The following KRI1 variants were observed in gnomAD, a reference collection of about 807,000 sequenced individuals.
KRI1 encodes protein KRI1 homolog.
A neutral mutation model predicts 97.0 loss-of-function variants in KRI1; 83 were observed. The ratio of observed to expected loss-of-function variants is 0.86; its 90% CI spans 0.72 to 1.03. The LOEUF (loss-of-function observed/expected upper bound fraction) is 1.03. KRI1 is among the 50% of genes least tolerant of loss of function. The probability of loss-of-function intolerance (pLI) is 0.00; values close to 1 mark genes in which losing one functional copy is unlikely to be tolerated. For synonymous variants in KRI1, 371 were observed against 363.5 expected, an observed-to-expected ratio of 1.02 and a Z score of -0.23; for missense variants, 916 against 928.4, an observed-to-expected ratio of 0.99 and a Z score of 0.17.
chr19:10,558,100 A>C, intron 13 of KRI1, 40 bp from the exon 14 acceptor site: 1 of 1,613,402 alleles, frequency 6.2e-7, no homozygotes, highest in Non-Finnish European at 8.5e-7. Context: ...CCAGGGTGGG[A>C]CCTTGGGCTT....
intron 4 of KRI1, 76 bp from the exon 5 acceptor site, chr19:10,561,921 T>G: frequency 1.4e-6 from 2 of 1,386,120 alleles, no homozygotes; most frequent in East Asian, 2.3e-5. Context: ...GGAGCAGCTA[T>G]TCCAAGCAAC....
At position 10,565,801 on chromosome 19, in the gene KRI1, C is replaced by T. The variant is rs369178299; in HGVS notation, c.95-11G>A. 3.3e-6 allele frequency: 5 copies of T among 1,535,328 alleles called. No individual in the cohort carries two copies. Among genetic ancestry groups the T allele is most frequent in the Non-Finnish European group, 4.4e-6 (5 of 1,142,436 alleles). On this transcript the variant is annotated splice_polypyrimidine_tract_variant and intron_variant, in intron 1 of 18. Transcript: ENST00000312962. The stretch of plus-strand genomic sequence containing the variant: ...CGTAGCGATCCTTCACTGCGGGACA[C>T]AGACGGGATGCCCCCCCCCAGGTCA...
chr19:10,554,003 C>A lies in KRI1; in HGVS notation c.2060G>T (p.Arg687Leu). The A allele has an allele frequency of 6.2e-7, 1 of 1,612,818 alleles. No homozygotes were observed. Residue 687 changes from arginine to leucine, a missense_variant, in exon 19 of 19, where the codon CGC becomes CTC. By Grantham distance (102) the Arg-to-Leu change is moderately radical. This residue lies in a region of KRI1 where 672 missense variants were observed against 667.2 expected (regional missense o/e 1.01). Transcript: ENST00000312962. ...FGLNPKRLHF[R>L]QLGRQRRKQQ... ...TTTCCTCCGCTGCCGGCCCAGCTGG[C>A]GGAAGTGCAGCCGTTTGGGGTTGAG...
chr19:10,557,790 C>T lies in KRI1; in HGVS notation c.1465G>A (p.Glu489Lys), dbSNP rs750457969. ...TCACCGGGTTCAAACACGGGCTTCT[C>T]CTGCCCCACGGCCGCGGCGAAGGGC... ...KSPFAAAVGQ[E>K]KPVFEPGDKT... Residue 489 changes from glutamate to lysine, a missense_variant, in exon 15 of 19, where the codon GAG becomes AAG. Physicochemically the swap from Glu to Lys is moderately conservative, Grantham distance 56. Coordinates refer to ENST00000312962, the MANE Select transcript of KRI1 (RefSeq NM_023008.5). 5.0e-6 allele frequency: 8 copies of T among 1,613,146 alleles called. No homozygotes were observed. The East Asian group carries it at 1.6e-4, about 31-fold the overall frequency.
rs749568993 is a variant in KRI1, at chr19:10,558,256, G to A, written c.1195-17C>T. 1.9e-6 allele frequency: 3 copies of A among 1,613,660 alleles called. No individual in the cohort carries two copies. Among genetic ancestry groups the A allele is most frequent in the East Asian group, 4.5e-5 (2 of 44,880 alleles). On this transcript the variant is annotated splice_polypyrimidine_tract_variant and intron_variant, in intron 12 of 18. Transcript: ENST00000312962. ...AAAGCACTTCTGCAGGGTCAGGGCT[G>A]GCGGTTACCAGAGCCCACTCGAGAC...
At position 10,558,133 on chromosome 19, in the gene KRI1, A is replaced by G. The variant is rs146164594; in HGVS notation, c.1270+31T>C. 9,889 of 1,613,448 alleles carry G rather than the reference A, an allele frequency of 6.1e-3. 63 individuals carry two copies. The highest frequency in any genetic ancestry group is 0.014 in the South Asian group (1,252 of 91,068). The stretch of plus-strand genomic sequence containing the variant: ...CTTCAGTCCCAGTCCCCAGTCCCCA[A>G]TCCCCAGCCCAGTGCCCCAGCTGAT... On this transcript the variant is annotated intron_variant, in intron 13 of 18. Transcript: ENST00000312962.
intron 8 of KRI1, 76 bp downstream of exon 8, chr19:10,560,927 G>C: frequency 8.9e-7 from 1 of 1,123,002 alleles, no homozygotes; most frequent in Non-Finnish European, 1.4e-6. Flanking sequence ...TCTTCAGAGG[G>C]TTACTTTCTG....
intron 3 of KRI1, among the ~76,000 whole-genome samples, chr19:10,564,337 G>A (rs561954328): frequency 6.6e-6 from 1 of 151,820 alleles, no homozygotes; most frequent in Non-Finnish European, 1.5e-5. Flanking sequence ...GCGCGTGCCT[G>A]TAATTCCAGC....
In KRI1 at chr19:10,553,303, C is replaced by A. The variant is rs546576171; in HGVS notation, c.*648G>T. 2.7e-5 allele frequency: 14 copies of A among 523,518 alleles called. No individual in the cohort carries two copies. The East Asian group carries it at 4.0e-4, about 15-fold the overall frequency. 32.4% of individuals were successfully genotyped at this position (523,518 alleles called of 1,614,324 possible). A position where few individuals can be genotyped will look rare whatever the true frequency, so the allele number is the denominator to read the frequency against. On this transcript the variant is annotated 3_prime_UTR_variant, in exon 19 of 19. Transcript: ENST00000312962. The stretch of plus-strand genomic sequence containing the variant: ...TAGGGAAGGAGGACCCCGGGCACCC[C>A]CCTCAGGGCCTGACTCACGTACTGT...
Position 10,562,723 on chromosome 19 carries a change from C to T in KRI1, c.383+6G>A, listed in dbSNP as rs557146537. 3.0e-4 allele frequency: 451 copies of T among 1,523,320 alleles called. 6 individuals are homozygous for T. In the South Asian group the frequency reaches 4.8e-3, roughly 16 times the overall value. 94.4% of individuals were successfully genotyped at this position (1,523,320 alleles called of 1,614,324 possible). ...CAGGGGGTGGGGATGTAGGCCTTCT[C>T]CATACCCTGCCTTCTCCAAGATAAC... On this transcript the variant is annotated splice_donor_region_variant and intron_variant, in intron 4 of 18. Transcript: ENST00000312962.
At chr19:10,558,887 A>G (rs545519384) in intron 12 of KRI1, among the ~76,000 whole-genome samples, 100 of 151,706 alleles carry the variant, frequency 6.6e-4, no homozygotes, top group African/African-American at 2.2e-3. Flanking sequence ...TTGTATCTTT[A>G]GTAGAGATGG....
At position 10,561,787 on chromosome 19, in the gene KRI1, C is replaced by T; in HGVS notation, c.438+4G>A. On this transcript the variant is annotated splice_donor_region_variant and intron_variant, in intron 5 of 18. Coordinates refer to ENST00000312962, the MANE Select transcript of KRI1 (RefSeq NM_023008.5). ...CCCCCCGACCCAGCCTTCACCCCAC[C>T]CACCTGGAGTCTGTGATTGGAAGTC... 1 of 1,614,042 alleles carries T rather than the reference C, an allele frequency of 6.2e-7. No homozygotes were observed. Among genetic ancestry groups the T allele is most frequent in the Non-Finnish European group, 8.5e-7 (1 of 1,179,952 alleles).
In KRI1 at chr19:10,555,280, A is replaced by G; in HGVS notation, c.1682+5T>C. 2.1e-6 allele frequency: 2 copies of G among 954,478 alleles called. No individual in the cohort carries two copies. The highest frequency in any genetic ancestry group is 3.5e-5 in the South Asian group (2 of 56,398). The allele number at this position is 954,478 out of a possible 1,614,324, so 59.1% of individuals were successfully genotyped here. ...ATGTGGCCCCGCCGCGCCCCGCCCC[A>G]TCACCTGTACATGCAGGTCTTCTTT... On this transcript the variant is annotated splice_donor_5th_base_variant and intron_variant, in intron 17 of 18. Coordinates refer to ENST00000312962, the MANE Select transcript of KRI1 (RefSeq NM_023008.5).
At chr19:10,565,819 C>CG in intron 1 of KRI1, 29 bp from the exon 2 acceptor site, 3 of 1,550,732 alleles carry the variant, frequency 1.9e-6, no homozygotes, top group Non-Finnish European at 2.6e-6. Context: ...ATGCCCCCCC[C>CG]CAGGTCAGCC....
At chr19:10,556,673 C>G (rs1173299545) in intron 16 of KRI1, among the ~76,000 whole-genome samples, 1 of 150,214 alleles carries the variant, frequency 6.7e-6, no homozygotes, top group Non-Finnish European at 1.5e-5. Context: ...TCCCAATCAA[C>G]CAATCAAAAA....
chr19:10,560,199 C>T, intron 9 of KRI1, 113 bp downstream of exon 9: 2 of 1,440,884 alleles, frequency 1.4e-6, no homozygotes, highest in Non-Finnish European at 1.8e-6. Flanking sequence ...ACTCTGCCAC[C>T]ATCTGTGAAA....
intron 3 of KRI1, among the ~76,000 whole-genome samples, chr19:10,563,457 T>C (rs1276266326): frequency 1.3e-5 from 2 of 151,956 alleles, no homozygotes; most frequent in Non-Finnish European, 2.9e-5. Flanking sequence ...GCGATTCCCC[T>C]GCCTCAGCCT....
rs1170570322 is a variant in KRI1 at position 10,559,843 on chromosome 19, G to A, written c.894C>T (p.Tyr298=). 31 of 1,613,730 alleles carry A rather than the reference G, an allele frequency of 1.9e-5. No homozygotes were observed. The highest frequency in any genetic ancestry group is 2.5e-5 in the Non-Finnish European group (29 of 1,180,028). Residue 298 remains tyrosine, a synonymous_variant, in exon 10 of 19, where the codon TAC becomes TAT. Transcript: ENST00000312962. Reference sequence around the variant, plus strand: ...AGTCCGGCTCCTCGAAACGGAAATTGTACTTCTGTTCAAAGTCCTCCTGTT... The same window carrying A: ...AGTCCGGCTCCTCGAAACGGAAATTATACTTCTGTTCAAAGTCCTCCTGTT... The part of the protein sequence containing the change: ...LKKQEDFEQK[Y]NFRFEEPDSA...
intron 16 of KRI1, among the ~76,000 whole-genome samples, chr19:10,555,881 C>A (rs910491498): frequency 6.6e-6 from 1 of 152,232 alleles, no homozygotes; most frequent in Non-Finnish European, 1.5e-5. Flanking sequence ...GTACCCACAG[C>A]CTGCCAGGTG....
Sources: allele counts gnomAD v4.1 joint callset (sites outside exome capture counted in the v4.1 genomes callset), GRCh38; gene constraint gnomAD v4.1.1; regional missense constraint gnomAD v4.1.1; transcripts MANE v1.5; gene names NCBI Gene and HGNC (gene_info 2026-07-23, HGNC 2026-07-21).